CAMLG: variants seen among roughly 807,000 people sequenced by gnomAD.
CAMLG encodes the protein calcium modulating ligand.
Under a neutral mutation model 28.9 loss-of-function variants are expected in CAMLG, and 23 were observed. The observed-to-expected ratio is 0.80, with a 90% CI of 0.57 to 1.13. The LOEUF is 1.13. Ranked by LOEUF, CAMLG falls within the 50% of genes most tolerant of loss-of-function variation. The pLI, the probability that CAMLG is intolerant of heterozygous loss-of-function variation, is 0.00. For synonymous variants in CAMLG, 141 were observed against 146.5 expected (o/e 0.96, Z 0.27); for missense variants, 367 against 371.9 (o/e 0.99, Z 0.11).
intron 1 of CAMLG, among the ~76,000 whole-genome samples, chr5:134,739,314 T>C (rs564967437): frequency 6.6e-6 from 1 of 152,280 alleles, no homozygotes; most frequent in East Asian, 1.9e-4. Flanking sequence ...GGGACTCTTG[T>C]GCTCATATCC....
intron 3 of CAMLG, among the ~76,000 whole-genome samples, chr5:134,748,177 CA>C (rs1027947503): frequency 2.6e-5 from 4 of 152,042 alleles, no homozygotes; most frequent in Admixed American, 6.6e-5. Context: ...GTGATTCGCC[CA>C]CCTCCGCTTC....
intron 2 of CAMLG, among the ~76,000 whole-genome samples, chr5:134,742,545 T>G (rs1752997875): frequency 6.6e-6 from 1 of 152,188 alleles, no homozygotes; most frequent in African/African-American, 2.4e-5. Flanking sequence ...TTTCCTAATA[T>G]ATCATAATGA....
intron 2 of CAMLG, among the ~76,000 whole-genome samples, chr5:134,743,734 C>G (rs561245986): frequency 6.6e-6 from 1 of 151,800 alleles, no homozygotes; most frequent in Admixed American, 6.6e-5. Flanking sequence ...GGTGTGGTGG[C>G]GGGCGCCTGT....
At chr5:134,742,839 A>G (rs1020887734) in intron 2 of CAMLG, among the ~76,000 whole-genome samples, 7 of 152,116 alleles carry the variant, frequency 4.6e-5, no homozygotes, top group African/African-American at 1.4e-4. Flanking sequence ...CCTGGGTTCA[A>G]GCGATTCTCC....
At chr5:134,745,558 C>T (rs1446315637) in intron 3 of CAMLG, among the ~76,000 whole-genome samples, 1 of 151,918 alleles carries the variant, frequency 6.6e-6, no homozygotes, top group Non-Finnish European at 1.5e-5. Context: ...TCGAGACTGG[C>T]CTGGCCAACA....
chr5:134,745,166 G>A (rs60191893), intron 3 of CAMLG, among the ~76,000 whole-genome samples: 15,396 of 150,888 alleles, frequency 0.1, 1,079 homozygotes, highest in East Asian at 0.27. Flanking sequence ...GGCGGGGCGC[G>A]GTGGCTCACG....
At chr5:134,742,512 A>G (rs1453822100) in intron 2 of CAMLG, among the ~76,000 whole-genome samples, 1 of 152,166 alleles carries the variant, frequency 6.6e-6, no homozygotes, top group Non-Finnish European at 1.5e-5. Flanking sequence ...TAATCTTCCT[A>G]TGGTTCAGAA....
chr5:134,740,526 G>A (rs947722980), intron 1 of CAMLG, among the ~76,000 whole-genome samples: 1 of 152,070 alleles, frequency 6.6e-6, no homozygotes, highest in Non-Finnish European at 1.5e-5. Flanking sequence ...ACAAAGTTTG[G>A]GTTATTTCCT....
At chr5:134,749,258 C>T (rs1471641596) in intron 3 of CAMLG, among the ~76,000 whole-genome samples, 6 of 151,882 alleles carry the variant, frequency 4.0e-5, no homozygotes, top group East Asian at 1.9e-4. Context: ...TTAGTAGAGA[C>T]GAGGTTTCAC....
intron 2 of CAMLG, among the ~76,000 whole-genome samples, chr5:134,743,097 G>A (rs1753003496): frequency 6.6e-6 from 1 of 152,102 alleles, no homozygotes; most frequent in African/African-American, 2.4e-5. Flanking sequence ...TGGTGTCCAG[G>A]CTGGACTAGA....
Position 134,750,992 on chromosome 5 carries a change from A to T in CAMLG, c.*42A>T, listed in dbSNP as rs533386732. 37 of 1,495,478 alleles carry T rather than the reference A, an allele frequency of 2.5e-5. No homozygotes were observed. The highest frequency in any genetic ancestry group is 6.2e-5 in the Admixed American group (3 of 48,424). The allele number at this position is 1,495,478 out of a possible 1,614,324, so 92.6% of individuals were successfully genotyped here. ...AAGGAGAAGCTTACAAAAAAAAAAAAATCCTCTTCTATATTGCAGTGTCTC... is the reference window on the plus strand; with the variant it reads ...AAGGAGAAGCTTACAAAAAAAAAAATATCCTCTTCTATATTGCAGTGTCTC... On this transcript the variant is annotated 3_prime_UTR_variant, in exon 4 of 4. Coordinates refer to ENST00000297156, the MANE Select transcript of CAMLG (RefSeq NM_001745.4).
At chr5:134,750,580 G>A (rs1753102143) in intron 3 of CAMLG, among the ~76,000 whole-genome samples, 179 bp from the exon 4 acceptor site, 1 of 151,866 alleles carries the variant, frequency 6.6e-6, no homozygotes, top group Non-Finnish European at 1.5e-5. Flanking sequence ...TTGCCTAGCA[G>A]ATTGATGAGT....
chr5:134,748,764 G>A lies in CAMLG; in HGVS notation c.700-1995G>A, dbSNP rs75957167. 8.3e-3 allele frequency among the ~76,000 whole-genome samples: 1,266 copies of A among 152,234 alleles called. 18 individuals carry two copies. Among genetic ancestry groups the A allele is most frequent in the African/African-American group, 0.028 (1,154 of 41,536 alleles). ...AAGAACTTTTTCCCACGATAGATTA[G>A]TTGTGTCTGGCATAGTAATCCATGT... On this transcript the variant is annotated intron_variant, in intron 3 of 3. Coordinates refer to ENST00000297156, the MANE Select transcript of CAMLG (RefSeq NM_001745.4).
chr5:134,739,888 T>G lies in CAMLG; in HGVS notation c.172+1096T>G, dbSNP rs777601815. On this transcript the variant is annotated intron_variant, in intron 1 of 3. Coordinates refer to ENST00000297156, the MANE Select transcript of CAMLG (RefSeq NM_001745.4). ...TTTTATGTCTTTAAAGGTTGTTTTA[T>G]TTTTTGAGACAGGGTCTCCCTCTGT... Among the ~76,000 whole-genome samples the G allele has an allele frequency of 1.4e-4, 22 of 152,360 alleles. No individual in the cohort carries two copies. In the Middle Eastern group the frequency reaches 0.02, roughly 141 times the overall value.
chr5:134,747,865 CTT>C (rs112151765), intron 3 of CAMLG, among the ~76,000 whole-genome samples: 36 of 137,398 alleles, frequency 2.6e-4, no homozygotes, highest in Non-Finnish European at 2.5e-4. Context: ...TGGTCTCTTT[CTT>C]TTTTTTTTTT....
chr5:134,750,462 C>T (rs1242980478), intron 3 of CAMLG, among the ~76,000 whole-genome samples: 6 of 151,566 alleles, frequency 4.0e-5, no homozygotes, highest in South Asian at 2.1e-4. Context: ...CGCTTGAACC[C>T]GGGAGGCAGA....
intron 3 of CAMLG, among the ~76,000 whole-genome samples, chr5:134,746,026 T>A (rs941894252): frequency 5.4e-5 from 8 of 149,242 alleles, no homozygotes; most frequent in Non-Finnish European, 1.0e-4. Context: ...TAATCCCAGC[T>A]ACTCAGGAGG....
chr5:134,740,826 T>C (rs1264497184), intron 1 of CAMLG, among the ~76,000 whole-genome samples: 5 of 152,176 alleles, frequency 3.3e-5, no homozygotes, highest in African/African-American at 9.7e-5. Flanking sequence ...GCTAGGATGG[T>C]CTCAATCTCT....
chr5:134,750,891 T>A lies in CAMLG; in HGVS notation c.832T>A (p.Phe278Ile), dbSNP rs1293451997. ...GEVFTDLCVY[F>I]FTFIFCHELL... The stretch of plus-strand genomic sequence containing the variant: ...AGTCTTCACAGATCTCTGTGTCTAC[T>A]TTTTCACTTTTATCTTTTGTCATGA... The change falls in exon 4 of 4, where the codon TTT becomes ATT. Residue 278 changes from phenylalanine (F) to isoleucine (I), a missense_variant. Transcript: ENST00000297156. 2.5e-6 allele frequency: 4 copies of A among 1,613,850 alleles called. No homozygotes were observed. Among genetic ancestry groups the A allele is most frequent in the Non-Finnish European group, 3.4e-6 (4 of 1,179,898 alleles).
Sources: allele counts gnomAD v4.1 joint callset (sites outside exome capture counted in the v4.1 genomes callset), GRCh38; gene constraint gnomAD v4.1.1; transcripts MANE v1.5; gene names NCBI Gene and HGNC (gene_info 2026-07-23, HGNC 2026-07-21).